Variants in ALKBH8 observed in about 807,000 individuals in gnomAD.
The protein encoded by ALKBH8 is tRNA (carboxymethyluridine(34)-5-O)-methyltransferase ALKBH8.
A neutral mutation model predicts 59.8 loss-of-function variants in ALKBH8; 36 were observed. The ratio of observed to expected loss-of-function variants is 0.60; its 90% CI spans 0.46 to 0.79. The LOEUF (loss-of-function observed/expected upper bound fraction) is 0.79. ALKBH8 is among the 30% of genes least tolerant of loss of function. The pLI is 0.00. For synonymous variants in ALKBH8, 276 were observed against 273.6 expected, an observed-to-expected ratio of 1.01 and a Z score of -0.09; for missense variants, 768 against 801.0, an observed-to-expected ratio of 0.96 and a Z score of 0.50.
chr11:107,557,798 C>T (rs1274808633), intron 2 of ALKBH8, among the ~76,000 whole-genome samples: 1 of 152,162 alleles, frequency 6.6e-6, no homozygotes, highest in Admixed American at 6.5e-5. Context: ...AAAGAGGAGT[C>T]TCTTATTTTT....
intron 3 of ALKBH8, among the ~76,000 whole-genome samples, chr11:107,554,890 T>C (rs1293478176): frequency 6.6e-6 from 1 of 152,120 alleles, no homozygotes; most frequent in Non-Finnish European, 1.5e-5. Context: ...AATATGTTGT[T>C]TTAAAAAGAA....
intron 8 of ALKBH8, among the ~76,000 whole-genome samples, chr11:107,527,847 T>C (rs1458974962): frequency 1.3e-5 from 2 of 152,040 alleles, no homozygotes; most frequent in East Asian, 3.8e-4. Context: ...ATATCCAATA[T>C]AGCATTAAAT....
At chr11:107,552,186 T>A (rs943093075) in intron 5 of ALKBH8, among the ~76,000 whole-genome samples, 1 of 151,772 alleles carries the variant, frequency 6.6e-6, no homozygotes, top group East Asian at 1.9e-4. Flanking sequence ...ATTATAAAAA[T>A]ATACTATATA....
rs764532634 is a variant in ALKBH8 at position 107,522,512 on chromosome 11, G to C, written c.1074C>G (p.Pro358=). 1.3e-6 allele frequency: 2 copies of C among 1,551,438 alleles called. No individual in the cohort carries two copies. Among genetic ancestry groups the C allele is most frequent in the South Asian group, 1.2e-5 (1 of 84,060 alleles). Reference sequence around the variant, plus strand: ...CTTCTTTATCACTCTCTGGAAATGAGGGGGGAGTCTCTTTCCTCTGGCTAT... The same window carrying C: ...CTTCTTTATCACTCTCTGGAAATGACGGGGGAGTCTCTTTCCTCTGGCTAT... ...VCDSQRKETP[P]SFPESDKEAS... is the part of the protein sequence containing the mutation. Residue 358 remains proline, a synonymous_variant, in exon 10 of 12, where the codon CCC becomes CCG. Coordinates refer to ENST00000428149, the MANE Select transcript of ALKBH8 (RefSeq NM_138775.3).
Position 107,553,154 on chromosome 11 carries a change from G to A in ALKBH8, c.549C>T (p.Phe183=), listed in dbSNP as rs1159781670. The A allele has an allele frequency of 6.8e-6, 11 of 1,610,108 alleles. No homozygotes were observed. Among genetic ancestry groups the A allele is most frequent in the Non-Finnish European group, 6.8e-6 (8 of 1,178,376 alleles). Residue 183 remains phenylalanine, a synonymous_variant, in exon 5 of 12, where the codon TTC becomes TTT. Coordinates refer to ENST00000428149, the MANE Select transcript of ALKBH8 (RefSeq NM_138775.3). ...HRRVKHFGYE[F]HYENNNVDKD... ...TATCTACATTGTTGTTCTCATAGTG[G>A]AACTCATAACCAAAATGCTTTACTC... is the stretch of plus-strand genomic sequence containing the variant.
At chr11:107,527,444 G>C (rs1245766643) in intron 8 of ALKBH8, among the ~76,000 whole-genome samples, 2 of 151,848 alleles carry the variant, frequency 1.3e-5, no homozygotes, top group South Asian at 2.1e-4. Context: ...AGATGGATTT[G>C]ATCCTAAAAT....
rs558700290 is a variant in ALKBH8 at position 107,557,873 on chromosome 11, G to T, written c.130-870C>A. On this transcript the variant is annotated intron_variant, in intron 2 of 11. Coordinates refer to ENST00000428149, the MANE Select transcript of ALKBH8 (RefSeq NM_138775.3). ...ACTTAACCATTCTATACAATGTAAA[G>T]ATTTTTAATTTATGTTCTATGACTT... 3.0e-4 allele frequency among the ~76,000 whole-genome samples: 46 copies of T among 152,252 alleles called. 1 individual carries two copies. Among genetic ancestry groups the T allele is most frequent in the African/African-American group, 1.1e-3 (44 of 41,560 alleles).
chr11:107,559,866 G>C (rs1864867585), intron 2 of ALKBH8, among the ~76,000 whole-genome samples: 1 of 152,142 alleles, frequency 6.6e-6, no homozygotes, highest in Admixed American at 6.5e-5. Context: ...TCTGAGAGTT[G>C]AGAGGCCTAA....
chr11:107,562,157 C>G (rs953971432), intron 1 of ALKBH8, among the ~76,000 whole-genome samples: 2 of 151,894 alleles, frequency 1.3e-5, no homozygotes, highest in East Asian at 3.9e-4. Context: ...AAATTAGCCA[C>G]GTGTGGTGGT....
At chr11:107,505,279 G>C (rs1862336493) in intron 11 of ALKBH8, 64 bp from the exon 12 acceptor site, 2 of 1,252,584 alleles carry the variant, frequency 1.6e-6, no homozygotes, top group Middle Eastern at 3.9e-4. Context: ...AAATAAAACT[G>C]ACCATAGGAC....
At chr11:107,565,447 G>A in intron 1 of ALKBH8, 154 bp downstream of exon 1, 8 of 1,004,208 alleles carry the variant, frequency 8.0e-6, no homozygotes, top group South Asian at 1.5e-5. Context: ...ACACCCTACT[G>A]CCCACACTGC....
Position 107,540,114 on chromosome 11 carries a change from G to A in ALKBH8, c.772-7708C>T, listed in dbSNP as rs184543175. 5.9e-4 allele frequency among the ~76,000 whole-genome samples: 89 copies of A among 152,098 alleles called. 2 individuals are homozygous for A. Among genetic ancestry groups the A allele is most frequent in the Admixed American group, 5.8e-3 (89 of 15,290 alleles). On this transcript the variant is annotated intron_variant, in intron 7 of 11. Coordinates refer to ENST00000428149, the MANE Select transcript of ALKBH8 (RefSeq NM_138775.3). ...GAGGCAGAACATCGTTTGCCTCTCT[G>A]GTGTAGAAGCTTTCCTAGTTATCAG...
At chr11:107,512,683 A>C (rs1862687214) in intron 10 of ALKBH8, among the ~76,000 whole-genome samples, 1 of 152,162 alleles carries the variant, frequency 6.6e-6, no homozygotes, top group African/African-American at 2.4e-5. Context: ...TAATACAGAA[A>C]AGAATTATAT....
intron 1 of ALKBH8, among the ~76,000 whole-genome samples, chr11:107,564,363 G>C (rs1005635956): frequency 6.6e-6 from 1 of 152,010 alleles, no homozygotes; most frequent in African/African-American, 2.4e-5. Context: ...ATACTTATAT[G>C]TTTAAAAAAA....
At chr11:107,526,136 G>A (rs1199211043) in intron 8 of ALKBH8, among the ~76,000 whole-genome samples, 3 of 151,888 alleles carry the variant, frequency 2.0e-5, no homozygotes, top group African/African-American at 7.2e-5. Flanking sequence ...CAAATTGGTG[G>A]GTTTTAACAG....
At chr11:107,549,488 G>A (rs1052014784) in intron 7 of ALKBH8, among the ~76,000 whole-genome samples, 2 of 152,124 alleles carry the variant, frequency 1.3e-5, no homozygotes, top group Non-Finnish European at 2.9e-5. Flanking sequence ...ATTGTACCAA[G>A]GAAAGTCTAG....
At position 107,561,233 on chromosome 11, in the gene ALKBH8, G is replaced by A. The variant is rs114166576; in HGVS notation, c.-6-334C>T. Among the ~76,000 whole-genome samples the A allele has an allele frequency of 6.2e-3, 942 of 152,168 alleles. 8 individuals are homozygous for A. The highest frequency in any genetic ancestry group is 0.021 in the African/African-American group (882 of 41,504). On this transcript the variant is annotated intron_variant, in intron 1 of 11. Coordinates refer to ENST00000428149, the MANE Select transcript of ALKBH8 (RefSeq NM_138775.3). ...CATACACAAATTTCACAACTATAAC[G>A]TAAACCAAGGCAAGGAGCAGGCAGG... is the stretch of plus-strand genomic sequence containing the variant.
At chr11:107,536,815 G>A (rs1407551703) in intron 7 of ALKBH8, among the ~76,000 whole-genome samples, 1 of 152,154 alleles carries the variant, frequency 6.6e-6, no homozygotes, top group Non-Finnish European at 1.5e-5. Context: ...GGTGCCTGAA[G>A]AGGACGTCAG....
intron 7 of ALKBH8, among the ~76,000 whole-genome samples, chr11:107,539,724 A>C (rs1019937066): frequency 1.3e-5 from 2 of 152,184 alleles, no homozygotes; most frequent in Non-Finnish European, 2.9e-5. Context: ...AACAACCCCC[A>C]CACACAGGAA....
Sources: gnomAD v4.1 joint callset for allele counts (sites outside exome capture counted in the v4.1 genomes callset) on GRCh38, gnomAD v4.1.1 for gene constraint, MANE v1.5 for transcripts, NCBI Gene and HGNC (gene_info 2026-07-23, HGNC 2026-07-21) for gene names.